Variants in SCP2 observed in about 807,000 individuals in gnomAD.
SCP2 encodes the protein SCP-2/3-oxoacyl-CoA thiolase.
In SCP2, 48 loss-of-function variants were observed where a neutral mutation model predicts 71.4. That is an observed-to-expected ratio of 0.67 (90% CI 0.53 to 0.86). The LOEUF (loss-of-function observed/expected upper bound fraction) is 0.86, where lower values mean the gene tolerates loss of function less well. Among genes scored for constraint, SCP2 ranks in the 40% least tolerant of loss-of-function variants. SCP2 has a pLI of 0.00. For synonymous variants in SCP2, 220 were observed against 218.1 expected (o/e 1.01, Z -0.08); for missense variants, 560 against 655.6 (o/e 0.85, Z 1.59).
At chr1:52,978,996 C>T (rs554724124) in intron 9 of SCP2, among the ~76,000 whole-genome samples, 1 of 152,230 alleles carries the variant, frequency 6.6e-6, no homozygotes, top group Non-Finnish European at 1.5e-5. Flanking sequence ...AAGACATACA[C>T]ACAATACACA....
intron 13 of SCP2, among the ~76,000 whole-genome samples, chr1:53,035,050 A>T (rs978881584): frequency 8.6e-5 from 13 of 152,026 alleles, no homozygotes; most frequent in Non-Finnish European, 1.8e-4. Context: ...GCTTGCAGTA[A>T]GCTGAGATCA....
rs1553155260 is a variant in SCP2 at position 53,037,904 on chromosome 1, A to ACACACACACC, written c.1339-1004_1339-1003insCCACACACAC. On this transcript the variant is annotated intron_variant, in intron 13 of 15. Transcript: ENST00000371514. ...TACACACACACACACACACACACAC[A>ACACACACACC]CACACACACACACACACACACACAC... Among the ~76,000 whole-genome samples, 652 of 127,408 alleles carry ACACACACACC rather than the reference A, an allele frequency of 5.1e-3. 7 individuals are homozygous for ACACACACACC. The highest frequency in any genetic ancestry group is 0.02 in the African/African-American group (613 of 30,292). The allele number at this position is 127,408 out of a possible 152,430, so 83.6% of individuals were successfully genotyped here.
intron 12 of SCP2, 90 bp from the exon 13 acceptor site, chr1:53,027,879 T>G (rs1289160905): frequency 2.7e-6 from 2 of 728,630 alleles, no homozygotes; most frequent in South Asian, 3.1e-5. Flanking sequence ...TCTTAGGGTT[T>G]TTGAAAATTT....
In SCP2 at chr1:52,942,468, G is replaced by A. The variant is rs115198373; in HGVS notation, c.127+615G>A. On this transcript the variant is annotated intron_variant, in intron 2 of 15. Coordinates refer to ENST00000371514, the MANE Select transcript of SCP2 (RefSeq NM_002979.5). ...TAAGCATTCAGCATTCTTTAGAGAC[G>A]TGCCACGACCAGGCTGCATCTGGCT... is the stretch of plus-strand genomic sequence containing the variant. 4.9e-3 allele frequency among the ~76,000 whole-genome samples: 739 copies of A among 152,114 alleles called. 7 individuals are homozygous for A. Among genetic ancestry groups the A allele is most frequent in the African/African-American group, 0.017 (715 of 41,504 alleles).
chr1:52,998,891 G>A (rs1660121379), intron 11 of SCP2, among the ~76,000 whole-genome samples: 1 of 152,062 alleles, frequency 6.6e-6, no homozygotes. Context: ...TACTGAACAG[G>A]TAACCTAAAA....
chr1:53,033,604 C>CAAAAAAAAAAAAAA, intron 13 of SCP2, among the ~76,000 whole-genome samples: 1 of 79,720 alleles, frequency 1.3e-5, no homozygotes, highest in Non-Finnish European at 3.1e-5. Flanking sequence ...AACTCCATTT[C>CAAAAAAAAAAAAAA]AAAAAAAAAA....
intron 10 of SCP2, among the ~76,000 whole-genome samples, chr1:52,987,404 G>A (rs1041733002): frequency 1.4e-4 from 22 of 152,002 alleles, no homozygotes; most frequent in African/African-American, 2.9e-4. Flanking sequence ...TTACTTTATC[G>A]TAAATAGATG....
chr1:53,011,018 G>C (rs147525205), intron 11 of SCP2, among the ~76,000 whole-genome samples: 64 of 152,274 alleles, frequency 4.2e-4, no homozygotes, highest in South Asian at 1.5e-3. Flanking sequence ...TCACATGGAC[G>C]TGCGTGACAA....
chr1:53,019,425 T>A (rs1178287331), intron 12 of SCP2, among the ~76,000 whole-genome samples: 1 of 152,236 alleles, frequency 6.6e-6, no homozygotes, highest in East Asian at 1.9e-4. Flanking sequence ...TATTTTGATT[T>A]TCAAAATGCC....
chr1:52,986,125 C>T (rs1314415259), intron 10 of SCP2, among the ~76,000 whole-genome samples: 3 of 152,140 alleles, frequency 2.0e-5, no homozygotes, highest in Non-Finnish European at 4.4e-5. Context: ...AATTGTTTTC[C>T]AAAAGCGTAT....
chr1:52,929,378 G>A (rs1652914712), intron 1 of SCP2, among the ~76,000 whole-genome samples: 1 of 151,850 alleles, frequency 6.6e-6, no homozygotes, highest in African/African-American at 2.4e-5. Context: ...TGTAGAGACA[G>A]GGTCTCACTA....
intron 1 of SCP2, among the ~76,000 whole-genome samples, chr1:52,930,016 T>G (rs1455946517): frequency 3.3e-5 from 5 of 152,156 alleles, no homozygotes; most frequent in Non-Finnish European, 7.3e-5. Context: ...ATACCCTCTT[T>G]TCATCTACTT....
chr1:52,994,970 G>A, intron 11 of SCP2: 2 of 513,556 alleles, frequency 3.9e-6, no homozygotes, highest in Non-Finnish European at 7.8e-6. Context: ...GGCCCTTTTG[G>A]CCAGGTGCTT....
intron 1 of SCP2, among the ~76,000 whole-genome samples, chr1:52,930,630 A>T (rs1653065097): frequency 2.0e-5 from 3 of 152,134 alleles, no homozygotes. Context: ...CTGTCTCAAA[A>T]AAAAAGTGCT....
chr1:52,928,982 A>G (rs1204546327), intron 1 of SCP2, among the ~76,000 whole-genome samples: 1 of 152,050 alleles, frequency 6.6e-6, no homozygotes, highest in East Asian at 2.0e-4. Context: ...CAGTTGTCTA[A>G]ACCTTTGGGA....
intron 11 of SCP2, chr1:52,995,014 G>A (rs913227972): frequency 2.0e-6 from 1 of 507,644 alleles, no homozygotes; most frequent in Admixed American, 2.2e-5. Context: ...TCAATCTGGG[G>A]CAGGCAACAA....
intron 11 of SCP2, among the ~76,000 whole-genome samples, chr1:52,990,396 G>A (rs1459372573): frequency 6.6e-6 from 1 of 151,956 alleles, no homozygotes; most frequent in African/African-American, 2.4e-5. Flanking sequence ...ACTTTAACTA[G>A]CTATTTTAAA....
At chr1:52,944,734 A>G (rs1183348940) in intron 2 of SCP2, among the ~76,000 whole-genome samples, 1 of 152,010 alleles carries the variant, frequency 6.6e-6, no homozygotes, top group Admixed American at 6.5e-5. Flanking sequence ...TAGTAATAAG[A>G]AATCTGGCCG....
At chr1:53,050,364 C>A in intron 15 of SCP2, 1 of 448,598 alleles carries the variant, frequency 2.2e-6, no homozygotes, top group East Asian at 4.5e-5. Context: ...TGAAAACAGG[C>A]TCAATTTCTA....
Sources: allele counts gnomAD v4.1 joint callset (sites outside exome capture counted in the v4.1 genomes callset), GRCh38; gene constraint gnomAD v4.1.1; transcripts MANE v1.5; gene names NCBI Gene and HGNC (gene_info 2026-07-23, HGNC 2026-07-21).